Variants in SPMIP4 observed in about 807,000 individuals in gnomAD.
The protein encoded by SPMIP4 is sperm-associated microtubule inner protein 4.
chr7:25,170,644 T>A, the SPMIP4 span, among the ~76,000 whole-genome samples: 3 of 152,260 alleles, frequency 2.0e-5, no homozygotes, highest in Non-Finnish European at 4.4e-5. Flanking sequence ...TGTTTTCTTC[T>A]AAGTATCTTA....
chr7:25,133,623 C>T, the SPMIP4 span, among the ~76,000 whole-genome samples: 2 of 152,086 alleles, frequency 1.3e-5, no homozygotes, highest in Admixed American at 6.6e-5. Flanking sequence ...TTCGGATGTG[C>T]CTAATGTTTT....
the SPMIP4 span, among the ~76,000 whole-genome samples, chr7:25,129,209 G>T: frequency 6.6e-6 from 1 of 152,184 alleles, no homozygotes; most frequent in East Asian, 1.9e-4. Context: ...ACTTGCCCAA[G>T]AATTGTAGTT....
the SPMIP4 span, among the ~76,000 whole-genome samples, chr7:25,159,437 C>T: frequency 5.3e-5 from 8 of 152,110 alleles, no homozygotes; most frequent in African/African-American, 1.9e-4. Flanking sequence ...GGAAAAAAGT[C>T]GACTAAAGAC....
chr7:25,174,646 A>G, the SPMIP4 span, among the ~76,000 whole-genome samples: 1 of 152,208 alleles, frequency 6.6e-6, no homozygotes, highest in Non-Finnish European at 1.5e-5. The surrounding 1 kb of genome is among the most constrained non-coding windows in gnomAD (Gnocchi z 4.5). Flanking sequence ...GGGAACTGAT[A>G]ATGAAATTCT....
At chr7:25,138,068 A>G in the SPMIP4 span, among the ~76,000 whole-genome samples, 1 of 152,182 alleles carries the variant, frequency 6.6e-6, no homozygotes, top group Non-Finnish European at 1.5e-5. The surrounding 1 kb of genome is among the most constrained non-coding windows in gnomAD (Gnocchi z 6.2). Flanking sequence ...TGGGAGGACC[A>G]CTTTTTAAGG....
the SPMIP4 span, among the ~76,000 whole-genome samples, chr7:25,175,063 A>C: frequency 3.2e-4 from 49 of 152,232 alleles, no homozygotes; most frequent in Middle Eastern, 3.4e-3. Context: ...GTAGTTCTCA[A>C]TGTAAGCTGA....
the SPMIP4 span, among the ~76,000 whole-genome samples, chr7:25,162,285 A>C: frequency 6.6e-6 from 1 of 150,474 alleles, no homozygotes; most frequent in Non-Finnish European, 1.5e-5. Context: ...AAAAAAAAAA[A>C]ATTAATTAAA....
chr7:25,128,524 C>T, the SPMIP4 span, among the ~76,000 whole-genome samples: 1 of 152,242 alleles, frequency 6.6e-6, no homozygotes, highest in Non-Finnish European at 1.5e-5. This position sits in a 1 kb window ranked among gnomAD's most constrained non-coding sequence, Gnocchi z 4.5. Context: ...CCAACATTCA[C>T]TCAAGGCACA....
At chr7:25,165,994 T>C in the SPMIP4 span, among the ~76,000 whole-genome samples, 1 of 152,094 alleles carries the variant, frequency 6.6e-6, no homozygotes, top group African/African-American at 2.4e-5. Context: ...CATCCATATC[T>C]ATACTAGATT....
At chr7:25,134,541 G>T in the SPMIP4 span, among the ~76,000 whole-genome samples, 1 of 152,186 alleles carries the variant, frequency 6.6e-6, no homozygotes, top group Non-Finnish European at 1.5e-5. Flanking sequence ...AATGCCTAAA[G>T]AGAAGGCTGT....
the SPMIP4 span, chr7:25,136,114 A>C: frequency 6.2e-7 from 1 of 1,614,180 alleles, no homozygotes; most frequent in Non-Finnish European, 8.5e-7. The surrounding 1 kb of genome is among the most constrained non-coding windows in gnomAD (Gnocchi z 5.7). Flanking sequence ...AGAGTTCTTA[A>C]GCTCCAGCAG....
At chr7:25,134,347 A>C in the SPMIP4 span, among the ~76,000 whole-genome samples, 37 of 150,420 alleles carry the variant, frequency 2.5e-4, no homozygotes, top group African/African-American at 2.2e-4. Context: ...AAAAAAAAAA[A>C]AAAAACCAAA....
the SPMIP4 span, among the ~76,000 whole-genome samples, chr7:25,165,573 C>T: frequency 6.6e-6 from 1 of 152,180 alleles, no homozygotes; most frequent in African/African-American, 2.4e-5. Flanking sequence ...CTGCCTCAGC[C>T]TCCTGACCTC....
chr7:25,127,403 G>GT, the SPMIP4 span, among the ~76,000 whole-genome samples: 4 of 152,012 alleles, frequency 2.6e-5, no homozygotes, highest in Admixed American at 1.3e-4. Context: ...TCTCTTCTGA[G>GT]TGTGTATTTT....
At chr7:25,178,698 G>A in the SPMIP4 span, among the ~76,000 whole-genome samples, 3 of 152,194 alleles carry the variant, frequency 2.0e-5, no homozygotes, top group African/African-American at 7.2e-5. Context: ...ACAGACACTT[G>A]AAGGTTCAGA....
At chr7:25,154,171 A>G in the SPMIP4 span, among the ~76,000 whole-genome samples, 2 of 152,220 alleles carry the variant, frequency 1.3e-5, no homozygotes, top group Admixed American at 6.5e-5. Flanking sequence ...ACTGTCTGCT[A>G]ATAAGACACC....
At chr7:25,157,608 G>T in the SPMIP4 span, among the ~76,000 whole-genome samples, 1 of 152,154 alleles carries the variant, frequency 6.6e-6, no homozygotes, top group Non-Finnish European at 1.5e-5. Flanking sequence ...GTCAGTCAAA[G>T]CCCAATTTGG....
the SPMIP4 span, among the ~76,000 whole-genome samples, chr7:25,140,985 T>A: frequency 1.3e-5 from 2 of 152,248 alleles, no homozygotes; most frequent in African/African-American, 4.8e-5. Flanking sequence ...AATTTTGTTT[T>A]CAAAATTTGT....
the SPMIP4 span, among the ~76,000 whole-genome samples, chr7:25,150,865 G>T: frequency 6.6e-6 from 1 of 152,214 alleles, no homozygotes; most frequent in African/African-American, 2.4e-5. Flanking sequence ...TAGATGTGTA[G>T]CAATTTCTCA....
Sources: gnomAD v4.1 joint callset for allele counts (sites outside exome capture counted in the v4.1 genomes callset) on GRCh38, gnomAD v4.1.1 for gene constraint, Gnocchi (gnomAD v3.1) non-coding constraint, MANE v1.5 for transcripts, NCBI Gene and HGNC (gene_info 2026-07-23, HGNC 2026-07-21) for gene names.